Variants in CYTH1 observed in about 807,000 individuals in gnomAD.
CYTH1 encodes the protein cytohesin 1, also known as cytohesin-1.
CYTH1 carries 18 observed loss-of-function variants against 61.8 expected under a neutral mutation model. That is an observed-to-expected ratio of 0.29 (90% CI 0.20 to 0.43). The LOEUF (loss-of-function observed/expected upper bound fraction) is 0.43. Ranked by LOEUF, CYTH1 falls within the 20% of genes least tolerant of loss-of-function variation. The pLI is 1.00. For synonymous variants in CYTH1, 174 were observed against 184.3 expected, an observed-to-expected ratio of 0.94 and a Z score of 0.45; for missense variants, 336 against 510.5, an observed-to-expected ratio of 0.66 and a Z score of 3.29.
At chr17:78,735,942 G>C (rs2093318242) in intron 1 of CYTH1, among the ~76,000 whole-genome samples, 1 of 152,186 alleles carries the variant, frequency 6.6e-6, no homozygotes, top group Non-Finnish European at 1.5e-5. Flanking sequence ...CTCTTCAGCA[G>C]AATCTCTTGG....
chr17:78,700,322 C>G lies in CYTH1; in HGVS notation c.550+9G>C. 6.3e-7 allele frequency: 1 copy of G among 1,596,112 alleles called. No homozygotes were observed. The highest frequency in any genetic ancestry group is 8.5e-7 in the Non-Finnish European group (1 of 1,171,472). On this transcript the variant is annotated intron_variant, in intron 7 of 13. Transcript: ENST00000446868. This position sits in a 1 kb window ranked among gnomAD's most constrained non-coding sequence, Gnocchi z 5.1. Reference sequence around the variant, plus strand: ...CCCATCATAAACTAGGATGAATGATCGTATTTACCCGTGGACTGGAACACG... The same window carrying G: ...CCCATCATAAACTAGGATGAATGATGGTATTTACCCGTGGACTGGAACACG...
chr17:78,770,060 G>A (rs1401218131), intron 1 of CYTH1, among the ~76,000 whole-genome samples: 1 of 151,686 alleles, frequency 6.6e-6, no homozygotes, highest in African/African-American at 2.4e-5. Flanking sequence ...TGAGGCAGGA[G>A]AATCACCTAA....
intron 1 of CYTH1, among the ~76,000 whole-genome samples, chr17:78,734,253 G>T (rs1156301897): frequency 6.7e-6 from 1 of 148,642 alleles, no homozygotes; most frequent in African/African-American, 2.5e-5. Context: ...AAAAAAAAAA[G>T]GCAAATCAAG....
At chr17:78,771,035 G>C (rs1022255645) in intron 1 of CYTH1, among the ~76,000 whole-genome samples, 1 of 152,080 alleles carries the variant, frequency 6.6e-6, no homozygotes, top group African/African-American at 2.4e-5. Flanking sequence ...GGCCGAGGTG[G>C]ACAGATCACA....
At position 78,698,858 on chromosome 17, in the gene CYTH1, T is replaced by C. The variant is rs747817213; in HGVS notation, c.661A>G (p.Ile221Val). Residue 221 changes from isoleucine to valine, a missense_variant, in exon 8 of 14, where the codon ATC becomes GTC. Ile to Val is a conservative substitution (Grantham distance 29). Transcript: ENST00000446868. ...VERFIAMNRG[I>V]NDGGDLPEEL... is the part of the protein sequence containing the mutation. ...TCCGGCAGGTCTCCCCCATCATTGA[T>C]GCCTCGGTTCATGGCAATGAACCTC... The C allele has an allele frequency of 2.5e-6, 4 of 1,599,452 alleles. No individual in the cohort carries two copies. Among genetic ancestry groups the C allele is most frequent in the Non-Finnish European group, 3.4e-6 (4 of 1,175,974 alleles).
Position 78,709,558 on chromosome 17 carries a change from T to C in CYTH1, c.105+92A>G. 4.5e-6 allele frequency: 6 copies of C among 1,340,190 alleles called. No individual in the cohort carries two copies. The South Asian group carries it at 6.1e-5, about 14-fold the overall frequency. 83.0% of individuals were successfully genotyped at this position (1,340,190 alleles called of 1,614,324 possible). A position where few individuals can be genotyped will look rare whatever the true frequency, so the allele number is the denominator to read the frequency against. On this transcript the variant is annotated intron_variant, in intron 2 of 13. Coordinates refer to ENST00000446868, the MANE Select transcript of CYTH1 (RefSeq NM_004762.6). The stretch of plus-strand genomic sequence containing the variant: ...TAGTGAGGGCAGGTCAAAAGTGTCT[T>C]GAGGAGACACTCTGCAAAGGACACC...
At chr17:78,747,627 T>G (rs1292367366) in intron 1 of CYTH1, among the ~76,000 whole-genome samples, 1 of 152,116 alleles carries the variant, frequency 6.6e-6, no homozygotes, top group Non-Finnish European at 1.5e-5. Flanking sequence ...ACTTTCTGCC[T>G]CTACAGATTT....
At chr17:78,699,981 G>A (rs555090032) in intron 7 of CYTH1, among the ~76,000 whole-genome samples, 1 of 152,222 alleles carries the variant, frequency 6.6e-6, no homozygotes, top group African/African-American at 2.4e-5. Context: ...TTTGGAGAAA[G>A]GGTCTCATAA....
chr17:78,736,399 CTT>C (rs955803287), intron 1 of CYTH1, among the ~76,000 whole-genome samples: 1 of 151,928 alleles, frequency 6.6e-6, no homozygotes, highest in Admixed American at 6.6e-5. Flanking sequence ...ATCTCTCTCT[CTT>C]CTCGCTCTTT....
intron 3 of CYTH1, among the ~76,000 whole-genome samples, chr17:78,705,759 T>C (rs2093058808): frequency 6.6e-6 from 1 of 152,240 alleles, no homozygotes; most frequent in East Asian, 1.9e-4. Context: ...GATTAAAAAA[T>C]AATAATAACC....
At chr17:78,698,007 C>T (rs1327986443) in intron 9 of CYTH1, among the ~76,000 whole-genome samples, 4 of 152,180 alleles carry the variant, frequency 2.6e-5, no homozygotes, top group African/African-American at 9.7e-5. Flanking sequence ...AGTCACTTCC[C>T]TTTTGGAAGC....
rs142241641 is a variant in CYTH1, at chr17:78,742,525, G to A, written c.23-32793C>T. On this transcript the variant is annotated intron_variant, in intron 1 of 13. Transcript: ENST00000446868. Reference sequence around the variant, plus strand: ...CACAGTGAGCTATGATTGTGCTGTTGCACTCCAGCCTAGGCAAGAGTGAGA... The same window carrying A: ...CACAGTGAGCTATGATTGTGCTGTTACACTCCAGCCTAGGCAAGAGTGAGA... 7.6e-3 allele frequency among the ~76,000 whole-genome samples: 1,151 copies of A among 152,284 alleles called. 17 individuals are homozygous for A. Among genetic ancestry groups the A allele is most frequent in the African/African-American group, 0.025 (1,038 of 41,546 alleles).
chr17:78,712,353 C>A (rs1440633249), intron 1 of CYTH1, among the ~76,000 whole-genome samples: 2 of 152,048 alleles, frequency 1.3e-5, no homozygotes, highest in Non-Finnish European at 1.5e-5. Context: ...GTGGTTTAGT[C>A]CAGTAAACTG....
At chr17:78,702,040 C>T in intron 5 of CYTH1, 82 bp downstream of exon 5, 1 of 1,210,406 alleles carries the variant, frequency 8.3e-7, no homozygotes, top group Non-Finnish European at 1.2e-6. Context: ...CCTCCAAGAA[C>T]TTCAGAGTAT....
At position 78,733,012 on chromosome 17, in the gene CYTH1, G is replaced by A. The variant is rs141057740; in HGVS notation, c.23-23280C>T. On this transcript the variant is annotated intron_variant, in intron 1 of 13. Transcript: ENST00000446868. ...TGAGGCAGGAGAATCACTTGAACCCGGGAGGCAGAAGTTGCAGTGAGCCAA... is the reference window on the plus strand; with the variant it reads ...TGAGGCAGGAGAATCACTTGAACCCAGGAGGCAGAAGTTGCAGTGAGCCAA... 4.1e-4 allele frequency among the ~76,000 whole-genome samples: 59 copies of A among 143,696 alleles called. No homozygotes were observed. In the East Asian group the frequency reaches 0.01, roughly 25 times the overall value. The allele number at this position is 143,696 out of a possible 152,430, so 94.3% of individuals were successfully genotyped here. A position where few individuals can be genotyped will look rare whatever the true frequency, so the allele number is the denominator to read the frequency against.
chr17:78,699,209 C>A (rs1172503942), intron 7 of CYTH1, among the ~76,000 whole-genome samples: 17 of 151,968 alleles, frequency 1.1e-4, no homozygotes, highest in Admixed American at 1.1e-3. Flanking sequence ...TACTAAAATA[C>A]AAAAATTAGC....
chr17:78,725,397 G>A (rs1421911903), intron 1 of CYTH1, among the ~76,000 whole-genome samples: 1 of 152,158 alleles, frequency 6.6e-6, no homozygotes, highest in Non-Finnish European at 1.5e-5. Context: ...ATGTTTCCCA[G>A]GGATTTCATG....
chr17:78,730,659 T>C (rs750252168), intron 1 of CYTH1, among the ~76,000 whole-genome samples: 11 of 151,536 alleles, frequency 7.3e-5, no homozygotes, highest in Non-Finnish European at 1.3e-4. Context: ...GTTACGAAAT[T>C]ATTATTATTA....
At chr17:78,690,490 G>A (rs2092872462) in intron 11 of CYTH1, among the ~76,000 whole-genome samples, 1 of 144,696 alleles carries the variant, frequency 6.9e-6, no homozygotes, top group South Asian at 2.2e-4. Context: ...GACCAGCCTG[G>A]CCAACATGGT....
Sources: gnomAD v4.1 joint callset for allele counts (sites outside exome capture counted in the v4.1 genomes callset) on GRCh38, gnomAD v4.1.1 for gene constraint, Gnocchi (gnomAD v3.1) non-coding constraint, MANE v1.5 for transcripts, NCBI Gene and HGNC (gene_info 2026-07-23, HGNC 2026-07-21) for gene names.